The following DOCK8 variants were observed in gnomAD, a reference collection of about 807,000 sequenced individuals.
DOCK8 encodes the protein dedicator of cytokinesis protein 8.
A neutral mutation model predicts 245.6 loss-of-function variants in DOCK8; 141 were observed. The ratio of observed to expected loss-of-function variants is 0.57; its 90% confidence interval spans 0.50 to 0.66. The LOEUF is 0.66. Ranked by LOEUF, DOCK8 falls within the 30% of genes least tolerant of loss-of-function variation. The pLI is 0.00. For missense variants in DOCK8, 2,965 were observed against 2,603.4 expected, an observed-to-expected ratio of 1.14 and a Z score of -3.02; for synonymous variants, 1,168 against 970.2, an observed-to-expected ratio of 1.20 and a Z score of -3.79.
chr9:388,308 A>C (rs1206620509), intron 23 of DOCK8, among the ~76,000 whole-genome samples: 1 of 152,224 alleles, frequency 6.6e-6, no homozygotes, highest in African/African-American at 2.4e-5. Context: ...GTGTTAACGC[A>C]TATTAAAATT....
intron 26 of DOCK8, among the ~76,000 whole-genome samples, chr9:399,776 C>G (rs535129537): frequency 1.4e-4 from 21 of 152,102 alleles, no homozygotes; most frequent in African/African-American, 5.1e-4. Context: ...AGTGCCATCC[C>G]CCCAGATTTT....
chr9:347,291 C>T (rs1254668023), intron 14 of DOCK8, among the ~76,000 whole-genome samples: 1 of 152,034 alleles, frequency 6.6e-6, no homozygotes, highest in Non-Finnish European at 1.5e-5. Context: ...ATCCATTGAG[C>T]CCAGGAGTTC....
At chr9:222,697 A>C (rs2046911036) in intron 1 of DOCK8, among the ~76,000 whole-genome samples, 1 of 152,176 alleles carries the variant, frequency 6.6e-6, no homozygotes. Context: ...CTTACATGCA[A>C]CCATAAATGG....
chr9:242,225 C>G (rs912763713), intron 1 of DOCK8, among the ~76,000 whole-genome samples: 1 of 152,104 alleles, frequency 6.6e-6, no homozygotes, highest in East Asian at 1.9e-4. Context: ...CCTAGTGGGT[C>G]CACTCCCCAC....
rs117172038 is a variant in DOCK8 at position 307,020 on chromosome 9, G to C, written c.528+2316G>C. On this transcript the variant is annotated intron_variant, in intron 5 of 47. Transcript: ENST00000432829. ...AGGAGGTAAGATAAGGGTGATTCTG[G>C]AAGTACCAAAAGAACCTGAAGGCTA... Among the ~76,000 whole-genome samples, 580 of 152,250 alleles carry C rather than the reference G, an allele frequency of 3.8e-3. 3 individuals carry two copies. Among genetic ancestry groups the C allele is most frequent in the Non-Finnish European group, 5.7e-3 (391 of 68,024 alleles).
chr9:231,026 T>C (rs1343378094), intron 1 of DOCK8, among the ~76,000 whole-genome samples: 2 of 152,230 alleles, frequency 1.3e-5, no homozygotes, highest in Non-Finnish European at 2.9e-5. Context: ...AGGGTTTTTA[T>C]GGTTTTAGGT....
intron 5 of DOCK8, among the ~76,000 whole-genome samples, chr9:306,744 G>A (rs1021495085): frequency 6.6e-6 from 1 of 152,124 alleles, no homozygotes; most frequent in Admixed American, 6.5e-5. Flanking sequence ...TTTTTAATTA[G>A]CATTTCCTAA....
intron 10 of DOCK8, among the ~76,000 whole-genome samples, chr9:333,055 T>C (rs2051101005): frequency 6.6e-6 from 1 of 152,176 alleles, no homozygotes; most frequent in East Asian, 1.9e-4. Flanking sequence ...GGCCACCCCC[T>C]GTTGTCTTCA....
intron 18 of DOCK8, among the ~76,000 whole-genome samples, chr9:374,181 G>A (rs2053418761): frequency 6.6e-6 from 1 of 152,160 alleles, no homozygotes; most frequent in Non-Finnish European, 1.5e-5. Context: ...GCGCTATGCT[G>A]TGTTTATAGA....
Position 433,874 on chromosome 9 carries a change from G to C in DOCK8, c.4786-1G>C. 6.2e-7 allele frequency: 1 copy of C among 1,612,802 alleles called. No homozygotes were observed. Among genetic ancestry groups the C allele is most frequent in the African/African-American group, 1.3e-5 (1 of 75,016 alleles). The stretch of plus-strand genomic sequence containing the variant: ...TATTTTGAGGCTTACACTTTTTGCA[G>C]GTGGAGGAACTTCTCTGTAATCTGA... On this transcript the variant is annotated splice_acceptor_variant, in intron 37 of 47. Transcript: ENST00000432829. LOFTEE classifies it high-confidence loss of function.
At chr9:302,527 G>A (rs2049600953) in intron 4 of DOCK8, among the ~76,000 whole-genome samples, 1 of 152,188 alleles carries the variant, frequency 6.6e-6, no homozygotes, top group South Asian at 2.1e-4. Context: ...AAGAGCTTCT[G>A]CACAGCAGAA....
intron 43 of DOCK8, among the ~76,000 whole-genome samples, chr9:445,773 G>C (rs935193609): frequency 2.8e-4 from 42 of 152,122 alleles, no homozygotes; most frequent in African/African-American, 9.7e-4. Flanking sequence ...GGAGACATTT[G>C]TGTACAGGTT....
Position 399,327 on chromosome 9 carries a change from G to A in DOCK8, c.3234+68G>A, listed in dbSNP as rs1205806965. 484 of 1,190,602 alleles carry A rather than the reference G, an allele frequency of 4.1e-4. 3 individuals carry two copies. Among genetic ancestry groups the A allele is most frequent in the East Asian group, 7.1e-5 (3 of 41,960 alleles). 73.8% of individuals were successfully genotyped at this position (1,190,602 alleles called of 1,614,324 possible). On this transcript the variant is annotated intron_variant, in intron 26 of 47. Transcript: ENST00000432829. Reference sequence around the variant, plus strand: ...TTCCTTCTCATATAATGTGATGTTCGTTGCCATGGCACGCTGTCTTCTTCA... The same window carrying A: ...TTCCTTCTCATATAATGTGATGTTCATTGCCATGGCACGCTGTCTTCTTCA...
chr9:447,269 A>T (rs1463999664), intron 44 of DOCK8, among the ~76,000 whole-genome samples: 1 of 152,190 alleles, frequency 6.6e-6, no homozygotes, highest in African/African-American at 2.4e-5. Flanking sequence ...CACACCATAA[A>T]CAACTTATTA....
intron 1 of DOCK8, among the ~76,000 whole-genome samples, chr9:219,713 A>G (rs2046841843): frequency 6.6e-6 from 1 of 152,248 alleles, no homozygotes; most frequent in South Asian, 2.1e-4. Context: ...CCTGGGCAAC[A>G]TAGCAAAACC....
chr9:346,271 A>G (rs1208279592), intron 14 of DOCK8, among the ~76,000 whole-genome samples: 1 of 152,150 alleles, frequency 6.6e-6, no homozygotes, highest in African/African-American at 2.4e-5. Context: ...CATTTGCACC[A>G]ACTCCTGGCT....
chr9:329,817 C>A (rs935346992), intron 9 of DOCK8, among the ~76,000 whole-genome samples: 1 of 152,196 alleles, frequency 6.6e-6, no homozygotes, highest in Non-Finnish European at 1.5e-5. Flanking sequence ...CTATCACTTA[C>A]TAAATATGTT....
intron 44 of DOCK8, among the ~76,000 whole-genome samples, chr9:447,018 G>C (rs754048430): frequency 6.6e-6 from 1 of 152,078 alleles, no homozygotes; most frequent in Non-Finnish European, 1.5e-5. Flanking sequence ...ACCTGCACGT[G>C]GGCAGCCCCA....
chr9:295,969 A>C (rs972993028), intron 4 of DOCK8, among the ~76,000 whole-genome samples: 18 of 152,250 alleles, frequency 1.2e-4, no homozygotes, highest in African/African-American at 4.3e-4. Flanking sequence ...ATTAAGTTAC[A>C]TAAAAATGTA....
Sources: gnomAD v4.1 joint callset for allele counts (sites outside exome capture counted in the v4.1 genomes callset) on GRCh38, gnomAD v4.1.1 for gene constraint, MANE v1.5 for transcripts, NCBI Gene and HGNC (gene_info 2026-07-23, HGNC 2026-07-21) for gene names.